The following KLF3 variants were observed in gnomAD, a reference collection of about 807,000 sequenced individuals.
The protein encoded by KLF3 is Krueppel-like factor 3.
Under a neutral mutation model 32.7 loss-of-function variants are expected in KLF3, and 6 were observed. That is an observed-to-expected ratio of 0.18 (90% CI 0.10 to 0.36). The LOEUF (loss-of-function observed/expected upper bound fraction) is 0.36, where lower values mean the gene tolerates loss of function less well. KLF3 is among the 10% of genes least tolerant of loss of function. The pLI is 1.00. For synonymous variants in KLF3, 145 were observed against 172.8 expected (o/e 0.84, Z 1.26); for missense variants, 338 against 449.7 (o/e 0.75, Z 2.25).
At chr4:38,676,688 TAGTG>T (rs1722361686) in intron 1 of KLF3, among the ~76,000 whole-genome samples, 2 of 152,194 alleles carry the variant, frequency 1.3e-5, no homozygotes, top group Admixed American at 6.5e-5. Flanking sequence ...ACATGTGAAA[TAGTG>T]AGTTTGATTC....
chr4:38,700,311 C>T lies in KLF3; in HGVS notation c.*3048C>T, dbSNP rs1033791083. 1 of 152,176 alleles carries T rather than the reference C, an allele frequency of 6.6e-6. No homozygotes were observed. Among genetic ancestry groups the T allele is most frequent in the Non-Finnish European group, 1.5e-5 (1 of 68,024 alleles). 9.4% of individuals were successfully genotyped at this position (152,176 alleles called of 1,614,324 possible). A position where few individuals can be genotyped will look rare whatever the true frequency, so the allele number is the denominator to read the frequency against. On this transcript the variant is annotated 3_prime_UTR_variant, in exon 6 of 6. Transcript: ENST00000261438. Reference sequence around the variant, plus strand: ...ACCCATCTGCACTATCAGTATTGCACTAATGTGGAATTTGAAAGACTATTT... The same window carrying T: ...ACCCATCTGCACTATCAGTATTGCATTAATGTGGAATTTGAAAGACTATTT...
Position 38,688,828 on chromosome 4 carries a change from A to G in KLF3, c.301A>G (p.Ser101Gly), listed in dbSNP as rs1413745939. 7 of 1,613,972 alleles carry G rather than the reference A, an allele frequency of 4.3e-6. No individual in the cohort carries two copies. The highest frequency in any genetic ancestry group is 5.9e-6 in the Non-Finnish European group (7 of 1,180,016). The stretch of plus-strand genomic sequence containing the variant: ...GCCTGGGTTGAGCATGCCTTCTTCC[A>G]GCCCACCGATAAAAAAATACTCACC... ...ASPGLSMPSSSPPIKKYSPPS... is the reference protein window; with the variant it reads ...ASPGLSMPSSGPPIKKYSPPS... Residue 101 changes from serine to glycine, a missense_variant, in exon 3 of 6, where the codon AGC becomes GGC. Physicochemically the swap from Ser to Gly is moderately conservative, Grantham distance 56. Coordinates refer to ENST00000261438, the MANE Select transcript of KLF3 (RefSeq NM_016531.6). This position sits in a 1 kb window ranked among gnomAD's most constrained non-coding sequence, Gnocchi z 4.9.
chr4:38,666,055 C>T (rs892517313), intron 1 of KLF3, among the ~76,000 whole-genome samples: 23 of 152,108 alleles, frequency 1.5e-4, no homozygotes, highest in African/African-American at 4.6e-4. Flanking sequence ...AATTAAACTC[C>T]CTAGAGAAAC....
rs1028751138 is a variant in KLF3, at chr4:38,698,593, A to G, written c.*1330A>G. On this transcript the variant is annotated 3_prime_UTR_variant, in exon 6 of 6. Coordinates refer to ENST00000261438, the MANE Select transcript of KLF3 (RefSeq NM_016531.6). Reference sequence around the variant, plus strand: ...ATCAGGGATTCATATATGTAGCTCAAAAATTCCCAAAAGTTTACTGTTAGA... The same window carrying G: ...ATCAGGGATTCATATATGTAGCTCAGAAATTCCCAAAAGTTTACTGTTAGA... The G allele has an allele frequency of 3.3e-5, 5 of 152,602 alleles. No individual in the cohort carries two copies. Among genetic ancestry groups the G allele is most frequent in the Non-Finnish European group, 5.9e-5 (4 of 68,022 alleles). The allele number at this position is 152,602 out of a possible 1,614,324, so 9.5% of individuals were successfully genotyped here.
chr4:38,697,269 T>C lies in KLF3; in HGVS notation c.*6T>C. Reference sequence around the variant, plus strand: ...AACGCCACATGCTAGTCTGATTGCCTCTGTGTCCTGCCTCAGCGTGACTCC... The same window carrying C: ...AACGCCACATGCTAGTCTGATTGCCCCTGTGTCCTGCCTCAGCGTGACTCC... On this transcript the variant is annotated 3_prime_UTR_variant, in exon 6 of 6. Coordinates refer to ENST00000261438, the MANE Select transcript of KLF3 (RefSeq NM_016531.6). The C allele has an allele frequency of 1.3e-6, 2 of 1,597,432 alleles. No individual in the cohort carries two copies. The highest frequency in any genetic ancestry group is 1.7e-6 in the Non-Finnish European group (2 of 1,169,458).
intron 2 of KLF3, among the ~76,000 whole-genome samples, chr4:38,682,360 A>G (rs1299828886): frequency 2.0e-5 from 3 of 152,194 alleles, no homozygotes; most frequent in Non-Finnish European, 4.4e-5. Flanking sequence ...CTCCTGGCCA[A>G]AAAACTAAAT....
intron 4 of KLF3, among the ~76,000 whole-genome samples, chr4:38,691,817 G>A (rs923693621): frequency 2.0e-5 from 3 of 152,188 alleles, no homozygotes; most frequent in African/African-American, 4.8e-5. Flanking sequence ...ACGTCTTGGA[G>A]TATGCCCAGT....
At position 38,671,401 on chromosome 4, in the gene KLF3, A is replaced by G. The variant is rs985883191; in HGVS notation, c.-40+6940A>G. Among the ~76,000 whole-genome samples the G allele has an allele frequency of 2.0e-5, 3 of 152,128 alleles. No individual in the cohort carries two copies. Among genetic ancestry groups the G allele is most frequent in the Non-Finnish European group, 4.4e-5 (3 of 68,036 alleles). On this transcript the variant is annotated intron_variant, in intron 1 of 5. Coordinates refer to ENST00000261438, the MANE Select transcript of KLF3 (RefSeq NM_016531.6). The surrounding 1 kb of genome is among the most constrained non-coding windows in gnomAD (Gnocchi z 4.4). ...TAATTGCCTAATTTGGGGCCTTCAGAATGTGTCTTTTGATCTTGCATCCAA... is the reference window on the plus strand; with the variant it reads ...TAATTGCCTAATTTGGGGCCTTCAGGATGTGTCTTTTGATCTTGCATCCAA...
intron 4 of KLF3, chr4:38,690,209 C>G: frequency 1.2e-5 from 3 of 259,614 alleles, no homozygotes; most frequent in Non-Finnish European, 1.4e-5. Context: ...TATGAGAATC[C>G]TTGTATAGAT....
At chr4:38,684,842 C>CA (rs1474029060) in intron 2 of KLF3, among the ~76,000 whole-genome samples, 1 of 152,180 alleles carries the variant, frequency 6.6e-6, no homozygotes, top group Non-Finnish European at 1.5e-5. Flanking sequence ...AAGTGTGAGC[C>CA]ACCATGCCTG....
At position 38,665,719 on chromosome 4, in the gene KLF3, T is replaced by C. The variant is rs1722012493; in HGVS notation, c.-40+1258T>C. 2.0e-5 allele frequency among the ~76,000 whole-genome samples: 3 copies of C among 152,244 alleles called. No individual in the cohort carries two copies. In the South Asian group the frequency reaches 6.2e-4, roughly 31 times the overall value. ...ATGAAGTGGTATTCTGACAAGTACCTGAAATGTGCCAGCAAAATCAAGTGG... is the reference window on the plus strand; with the variant it reads ...ATGAAGTGGTATTCTGACAAGTACCCGAAATGTGCCAGCAAAATCAAGTGG... On this transcript the variant is annotated intron_variant, in intron 1 of 5. Coordinates refer to ENST00000261438, the MANE Select transcript of KLF3 (RefSeq NM_016531.6).
Position 38,674,574 on chromosome 4 carries a change from C to T in KLF3, c.-39-6013C>T, listed in dbSNP as rs557946700. Among the ~76,000 whole-genome samples the T allele has an allele frequency of 6.6e-6, 1 of 152,142 alleles. No homozygotes were observed. The highest frequency in any genetic ancestry group is 1.9e-4 in the East Asian group (1 of 5,180). On this transcript the variant is annotated intron_variant, in intron 1 of 5. Coordinates refer to ENST00000261438, the MANE Select transcript of KLF3 (RefSeq NM_016531.6). The surrounding 1 kb of genome is among the most constrained non-coding windows in gnomAD (Gnocchi z 4.1). ...GCGATGGTGTGTTAGTGTATTGCTC[C>T]GTATGCCTAGCCGAGGTCAGCTGGG...
rs1041778658 is a variant in KLF3 at position 38,697,472 on chromosome 4, G to A, written c.*209G>A. 4.7e-6 allele frequency: 2 copies of A among 422,604 alleles called. No homozygotes were observed. Among genetic ancestry groups the A allele is most frequent in the African/African-American group, 2.0e-5 (1 of 48,956 alleles). 26.2% of individuals were successfully genotyped at this position (422,604 alleles called of 1,614,324 possible). ...CTCCTTACCACGGGTCAGACCTAAA[G>A]AATGTGAACACTTTTTTTTTTTTTT... On this transcript the variant is annotated 3_prime_UTR_variant, in exon 6 of 6. Coordinates refer to ENST00000261438, the MANE Select transcript of KLF3 (RefSeq NM_016531.6).
chr4:38,672,756 G>T (rs1038925810), intron 1 of KLF3, among the ~76,000 whole-genome samples: 9 of 152,164 alleles, frequency 5.9e-5, no homozygotes, highest in Non-Finnish European at 7.3e-5. Context: ...TGTGAAAAAC[G>T]TGGGTGGCAA....
At chr4:38,687,444 A>G (rs1414397698) in intron 2 of KLF3, among the ~76,000 whole-genome samples, 1 of 152,228 alleles carries the variant, frequency 6.6e-6, no homozygotes, top group Non-Finnish European at 1.5e-5. Context: ...TGAAATTATG[A>G]TGACTGGTTT....
At chr4:38,689,693 T>C in intron 3 of KLF3, 36 bp from the exon 4 acceptor site, 1 of 1,481,054 alleles carries the variant, frequency 6.8e-7, no homozygotes. Context: ...ATTGGTAAAC[T>C]GTACGTGAAG....
At chr4:38,689,207 C>G in intron 3 of KLF3, 136 bp downstream of exon 3, 1 of 1,072,224 alleles carries the variant, frequency 9.3e-7, no homozygotes, top group South Asian at 1.6e-5. Context: ...TAAGGCATTT[C>G]CTTCCCCCGC....
intron 1 of KLF3, among the ~76,000 whole-genome samples, chr4:38,679,873 G>A (rs541406225): frequency 5.1e-4 from 78 of 152,152 alleles, no homozygotes; most frequent in Non-Finnish European, 1.0e-3. Flanking sequence ...CTTTTTGCTC[G>A]TCTTTTTTTC....
chr4:38,700,760 AGT>A lies in KLF3; in HGVS notation c.*3500_*3501del, dbSNP rs1453024509. ...TAAACTATGCAGAAATTTTTAATAA[AGT>A]GTAATATATTTTATAAGCTAATAAG... On this transcript the variant is annotated 3_prime_UTR_variant, in exon 6 of 6. Transcript: ENST00000261438. 2.0e-5 allele frequency: 3 copies of A among 152,174 alleles called. No homozygotes were observed. The highest frequency in any genetic ancestry group is 2.1e-4 in the South Asian group (1 of 4,836). 9.4% of individuals were successfully genotyped at this position (152,174 alleles called of 1,614,324 possible). A position where few individuals can be genotyped will look rare whatever the true frequency, so the allele number is the denominator to read the frequency against.
Sources: gnomAD v4.1 joint callset for allele counts (sites outside exome capture counted in the v4.1 genomes callset) on GRCh38, gnomAD v4.1.1 for gene constraint, Gnocchi (gnomAD v3.1) non-coding constraint, MANE v1.5 for transcripts, NCBI Gene and HGNC (gene_info 2026-07-23, HGNC 2026-07-21) for gene names.